AHRR: variants seen among roughly 807,000 people sequenced by gnomAD.
AHRR encodes the protein aryl hydrocarbon receptor repressor.
In AHRR, 28 loss-of-function variants were observed where a neutral mutation model predicts 44.0. The observed-to-expected ratio is 0.64, with a 90% CI of 0.47 to 0.87. AHRR has a LOEUF of 0.87. Among genes scored for constraint, AHRR ranks in the 40% least tolerant of loss-of-function variants. AHRR has a pLI of 0.00. For missense variants in AHRR, 990 were observed against 953.9 expected (o/e 1.04, Z -0.50); for synonymous variants, 434 against 407.0 (o/e 1.07, Z -0.80).
chr5:431,462 G>A (rs775569761), intron 8 of AHRR, among the ~76,000 whole-genome samples: 6 of 152,334 alleles, frequency 3.9e-5, no homozygotes, highest in South Asian at 2.1e-4. Flanking sequence ...TTCAGAAGCC[G>A]GCTTTCAGGA....
At chr5:432,550 CT>C in intron 9 of AHRR, 26 bp downstream of exon 9, 1 of 1,607,380 alleles carries the variant, frequency 6.2e-7, no homozygotes, top group Non-Finnish European at 8.5e-7. Flanking sequence ...CTTATCTGAT[CT>C]TTTCCACATG....
At chr5:373,341 G>A (rs946180351) in intron 3 of AHRR, among the ~76,000 whole-genome samples, 3 of 152,214 alleles carry the variant, frequency 2.0e-5, no homozygotes, top group Non-Finnish European at 2.9e-5. Flanking sequence ...TCCTGGCAGG[G>A]CCCCTCTCTG....
At chr5:425,088 GC>G (rs1296686170) in intron 7 of AHRR, among the ~76,000 whole-genome samples, 1 of 152,218 alleles carries the variant, frequency 6.6e-6, no homozygotes, top group Admixed American at 6.5e-5. Context: ...AGCTGGGCAG[GC>G]CCCCTGGGCT....
chr5:393,885 C>A (rs1481523595), intron 4 of AHRR, among the ~76,000 whole-genome samples: 1 of 152,194 alleles, frequency 6.6e-6, no homozygotes, highest in Middle Eastern at 3.2e-3. Flanking sequence ...TGATCAGCCT[C>A]CCAAAGTGCT....
chr5:389,456 C>T (rs113700280), intron 4 of AHRR, among the ~76,000 whole-genome samples: 11 of 152,328 alleles, frequency 7.2e-5, no homozygotes, highest in East Asian at 1.9e-4. Context: ...GAGGGAGCCA[C>T]GTGCTGCGTA....
chr5:376,553 G>GGAGAAGCGTGGGGTGAACGCGGGGA, intron 3 of AHRR, 57 bp from the exon 4 acceptor site: 1 of 298,212 alleles, frequency 3.4e-6, no homozygotes, highest in South Asian at 3.2e-5. Flanking sequence ...TGTGAATGAA[G>GGAGAAGCGTGGGGTGAACGCGGGGA]AAGAGTGGCC....
chr5:365,273 T>C (rs956629931), intron 3 of AHRR, among the ~76,000 whole-genome samples: 4 of 152,190 alleles, frequency 2.6e-5, no homozygotes, highest in South Asian at 2.1e-4. Context: ...TCTCAGTAAA[T>C]TTCAAAAGAT....
intron 4 of AHRR, among the ~76,000 whole-genome samples, chr5:401,420 G>C (rs1735008920): frequency 6.6e-6 from 1 of 152,232 alleles, no homozygotes; most frequent in South Asian, 2.1e-4. Context: ...CTTGCGAAGG[G>C]GGTGGGATTG....
chr5:376,377 C>T (rs1048502047), intron 3 of AHRR, among the ~76,000 whole-genome samples: 1 of 152,086 alleles, frequency 6.6e-6, no homozygotes, highest in Non-Finnish European at 1.5e-5. Flanking sequence ...GTCCTGGTGT[C>T]CCCCTGCCTC....
In AHRR at chr5:326,989, GT is replaced by G. The variant is rs1741735196; in HGVS notation, c.-11+5171del. ...CAGGAGAATCTCTTGAACCCAGGAGGTGGAGGTTGCAGTGAGCTGAGATTGA... is the reference window on the plus strand; with the variant it reads ...CAGGAGAATCTCTTGAACCCAGGAGGGGAGGTTGCAGTGAGCTGAGATTGA... On this transcript the variant is annotated intron_variant, in intron 1 of 10. Coordinates refer to ENST00000684583, the MANE Select transcript of AHRR (RefSeq NM_001377236.1). The surrounding 1 kb of genome is among the most constrained non-coding windows in gnomAD (Gnocchi z 4.1). Among the ~76,000 whole-genome samples, 1 of 152,218 alleles carries G rather than the reference GT, an allele frequency of 6.6e-6. No individual in the cohort carries two copies. The highest frequency in any genetic ancestry group is 1.5e-5 in the Non-Finnish European group (1 of 68,036).
At chr5:331,150 C>T (rs1268807702) in intron 1 of AHRR, among the ~76,000 whole-genome samples, 1 of 152,158 alleles carries the variant, frequency 6.6e-6, no homozygotes, top group Non-Finnish European at 1.5e-5. Context: ...GCTGGGATTA[C>T]AGGCGTGAGC....
In AHRR at chr5:428,455, C is replaced by T. The variant is rs150702922; in HGVS notation, c.908+449C>T. Among the ~76,000 whole-genome samples the T allele has an allele frequency of 3.3e-3, 497 of 152,284 alleles. 2 individuals carry two copies. Among genetic ancestry groups the T allele is most frequent in the Non-Finnish European group, 5.6e-3 (379 of 68,024 alleles). On this transcript the variant is annotated intron_variant, in intron 8 of 10. Coordinates refer to ENST00000684583, the MANE Select transcript of AHRR (RefSeq NM_001377236.1). The stretch of plus-strand genomic sequence containing the variant: ...AGATGGAGGGTGAACGGCACAGCTG[C>T]CCCTCCAGCTGGTCCTCGTCCCTGG...
intron 3 of AHRR, among the ~76,000 whole-genome samples, chr5:359,653 C>A (rs186022555): frequency 2.6e-5 from 4 of 152,310 alleles, no homozygotes; most frequent in Non-Finnish European, 1.5e-5. Flanking sequence ...GCATCGGAGT[C>A]CTCTTGTTCC....
chr5:429,220 C>G (rs114138669), intron 8 of AHRR, among the ~76,000 whole-genome samples: 2,310 of 151,822 alleles, frequency 0.015, 38 homozygotes, highest in African/African-American at 0.041. Flanking sequence ...TGCCAGAGAT[C>G]CAACTTCCTC....
intron 2 of AHRR, among the ~76,000 whole-genome samples, chr5:344,430 A>G (rs1579602124): frequency 9.8e-5 from 2 of 20,462 alleles, no homozygotes; most frequent in Admixed American, 3.6e-4. Context: ...GGTATGTGTG[A>G]GGCTGTGGGG....
intron 1 of AHRR, among the ~76,000 whole-genome samples, chr5:325,516 C>T (rs1025641547): frequency 6.6e-6 from 1 of 152,106 alleles, no homozygotes; most frequent in African/African-American, 2.4e-5. Flanking sequence ...AAGTGCCCAA[C>T]CTGGTTTCTG....
intron 7 of AHRR, among the ~76,000 whole-genome samples, chr5:426,486 AGATGGATG>A (rs1352798655): frequency 6.8e-6 from 1 of 147,810 alleles, no homozygotes; most frequent in African/African-American, 2.5e-5. Context: ...ATAGATGGGA[AGATGGATG>A]GATGGATGGA....
chr5:400,230 A>G (rs1734956097), intron 4 of AHRR, among the ~76,000 whole-genome samples: 1 of 152,206 alleles, frequency 6.6e-6, no homozygotes, highest in African/African-American at 2.4e-5. Flanking sequence ...TAATCTTTGA[A>G]GTACTTGCCG....
Position 364,415 on chromosome 5 carries a change from T to TA in AHRR, c.244+10506dup, listed in dbSNP as rs1743285458. 3.9e-5 allele frequency among the ~76,000 whole-genome samples: 6 copies of TA among 152,278 alleles called. No individual in the cohort carries two copies. In the South Asian group the frequency reaches 1.2e-3, roughly 32 times the overall value. On this transcript the variant is annotated intron_variant, in intron 3 of 10. Transcript: ENST00000684583. ...AAAAAGAGAAATAAGTATATAGTCATAATATGATACAAATTTGAAGAGGGT... is the reference window on the plus strand; with the variant it reads ...AAAAAGAGAAATAAGTATATAGTCATAAATATGATACAAATTTGAAGAGGGT...
Sources: allele counts gnomAD v4.1 joint callset (sites outside exome capture counted in the v4.1 genomes callset), GRCh38; gene constraint gnomAD v4.1.1; non-coding constraint Gnocchi (gnomAD v3.1); transcripts MANE v1.5; gene names NCBI Gene and HGNC (gene_info 2026-07-23, HGNC 2026-07-21).